The following NPY variants were observed in gnomAD, a reference collection of about 807,000 sequenced individuals.
NPY encodes neuropeptide Y.
In NPY, 11 loss-of-function variants were observed where a neutral mutation model predicts 13.2. The ratio of observed to expected loss-of-function variants is 0.83; its 90% confidence interval spans 0.52 to 1.38. The LOEUF is 1.38. NPY is among the 40% of genes most tolerant of loss of function. NPY has a pLI of 0.00. For missense variants in NPY, 109 were observed against 125.1 expected (o/e 0.87, Z 0.61); for synonymous variants, 51 against 55.6 (o/e 0.92, Z 0.37).
intron 2 of NPY, among the ~76,000 whole-genome samples, chr7:24,289,048 T>G (rs2128233306): frequency 6.6e-6 from 1 of 152,332 alleles, no homozygotes; most frequent in Admixed American, 6.5e-5. Flanking sequence ...TAGGACTGTC[T>G]TTGAAATATC....
Position 24,285,137 on chromosome 7 carries a change from GC to G in NPY, c.1-103del. 1 of 1,175,202 alleles carries G rather than the reference GC, an allele frequency of 8.5e-7. No homozygotes were observed. The highest frequency in any genetic ancestry group is 1.3e-6 in the Non-Finnish European group (1 of 799,760). The allele number at this position is 1,175,202 out of a possible 1,614,324, so 72.8% of individuals were successfully genotyped here. On this transcript the variant is annotated intron_variant, in intron 1 of 3. Transcript: ENST00000242152. The surrounding 1 kb of genome is among the most constrained non-coding windows in gnomAD (Gnocchi z 4.9). ...CTGGGACGAGAGCGGATTGGGGGTC[GC>G]GTGTGGTAGCAGGAGGAGGAGCGCG...
chr7:24,287,756 C>A (rs970551289), intron 2 of NPY, among the ~76,000 whole-genome samples: 1 of 152,270 alleles, frequency 6.6e-6, no homozygotes, highest in South Asian at 2.1e-4. Context: ...GGACAGCCCC[C>A]ATTACACAGA....
Position 24,285,357 on chromosome 7 carries a change from C to T in NPY, c.117C>T (p.Asp39=), listed in dbSNP as rs890826706. The T allele has an allele frequency of 1.2e-6, 2 of 1,613,926 alleles. No homozygotes were observed. The highest frequency in any genetic ancestry group is 1.3e-5 in the African/African-American group (1 of 74,892). ...YPSKPDNPGE[D]APAEDMARYY... is the part of the protein sequence containing the mutation. ...CCAAGCCGGACAACCCGGGCGAGGA[C>T]GCACCAGCGGAGGACATGGCCAGAT... Residue 39 remains aspartate, a synonymous_variant, in exon 2 of 4, where the codon GAC becomes GAT. Transcript: ENST00000242152. The surrounding 1 kb of genome is among the most constrained non-coding windows in gnomAD (Gnocchi z 4.9).
At chr7:24,284,955 G>T in intron 1 of NPY, 5 of 523,324 alleles carry the variant, frequency 9.6e-6, no homozygotes, top group South Asian at 4.5e-5. Context: ...AACTGGCGGG[G>T]CCCCCACCTT....
intron 2 of NPY, among the ~76,000 whole-genome samples, chr7:24,288,958 G>C (rs913429123): frequency 1.3e-5 from 2 of 152,274 alleles, no homozygotes; most frequent in Admixed American, 6.5e-5. Context: ...GATTTAAGCA[G>C]GGGTTGTTTT....
At chr7:24,290,250 C>T (rs1787552459) in intron 3 of NPY, among the ~76,000 whole-genome samples, 2 of 152,172 alleles carry the variant, frequency 1.3e-5, no homozygotes, top group African/African-American at 2.4e-5. Flanking sequence ...CTAAGGTTTT[C>T]TGGTGCCTCC....
At position 24,285,492 on chromosome 7, in the gene NPY, A is replaced by T; in HGVS notation, c.188+64A>T. Reference sequence around the variant, plus strand: ...GCCTGCACACCAGGAGATCCTGGGGATGTTAGGGAAAGGGATTGTTTCTTT... The same window carrying T: ...GCCTGCACACCAGGAGATCCTGGGGTTGTTAGGGAAAGGGATTGTTTCTTT... On this transcript the variant is annotated intron_variant, in intron 2 of 3. Coordinates refer to ENST00000242152, the MANE Select transcript of NPY (RefSeq NM_000905.4). The surrounding 1 kb of genome is among the most constrained non-coding windows in gnomAD (Gnocchi z 4.9). 5 of 1,499,110 alleles carry T rather than the reference A, an allele frequency of 3.3e-6. No individual in the cohort carries two copies. The highest frequency in any genetic ancestry group is 1.8e-4 in the Middle Eastern group (1 of 5,500). The allele number at this position is 1,499,110 out of a possible 1,614,324, so 92.9% of individuals were successfully genotyped here. A position where few individuals can be genotyped will look rare whatever the true frequency, so the allele number is the denominator to read the frequency against.
intron 2 of NPY, among the ~76,000 whole-genome samples, chr7:24,287,817 G>A (rs1787446952): frequency 6.6e-6 from 1 of 152,088 alleles, no homozygotes; most frequent in African/African-American, 2.4e-5. Context: ...CTCCTTCCTG[G>A]CTGCACATTA....
intron 3 of NPY, among the ~76,000 whole-genome samples, chr7:24,290,564 GT>G (rs1787562630): frequency 6.6e-6 from 1 of 151,830 alleles, no homozygotes; most frequent in African/African-American, 2.4e-5. Flanking sequence ...ACCTCCCTCA[GT>G]TCTCTTCTAA....
At chr7:24,284,991 C>G (rs539217331) in intron 1 of NPY, 2 of 570,860 alleles carry the variant, frequency 3.5e-6, no homozygotes, top group Admixed American at 3.1e-5. Flanking sequence ...GCTTCTTGGT[C>G]CCTGAGACTT....
intron 1 of NPY, among the ~76,000 whole-genome samples, chr7:24,284,666 G>A (rs1787286780): frequency 6.6e-6 from 1 of 152,152 alleles, no homozygotes; most frequent in Non-Finnish European, 1.5e-5. Flanking sequence ...GCCATCGAGT[G>A]AGGAATCCCT....
intron 2 of NPY, among the ~76,000 whole-genome samples, chr7:24,287,623 T>C (rs1294846702): frequency 2.0e-5 from 3 of 152,174 alleles, no homozygotes; most frequent in Non-Finnish European, 4.4e-5. Flanking sequence ...GGTGATTTTA[T>C]GCTCCCCAGG....
In NPY at chr7:24,287,351, A is replaced by G. The variant is rs566422519; in HGVS notation, c.188+1923A>G. On this transcript the variant is annotated intron_variant, in intron 2 of 3. Transcript: ENST00000242152. ...CTTCTCCTTCCCACCACAGACACCCACTCCTATGTGCGTTTCTGAAAATTA... is the reference window on the plus strand; with the variant it reads ...CTTCTCCTTCCCACCACAGACACCCGCTCCTATGTGCGTTTCTGAAAATTA... Among the ~76,000 whole-genome samples, 25 of 151,598 alleles carry G rather than the reference A, an allele frequency of 1.6e-4. No individual in the cohort carries two copies. The South Asian group carries it at 5.2e-3, about 32-fold the overall frequency.
Position 24,285,520 on chromosome 7 carries a change from C to A in NPY, c.188+92C>A. On this transcript the variant is annotated intron_variant, in intron 2 of 3. Coordinates refer to ENST00000242152, the MANE Select transcript of NPY (RefSeq NM_000905.4). The surrounding 1 kb of genome is among the most constrained non-coding windows in gnomAD (Gnocchi z 4.9). ...TTAGGGAAAGGGATTGTTTCTTTTCCTTCGCTCTATCCCAGGGCAGGACAG... is the reference window on the plus strand; with the variant it reads ...TTAGGGAAAGGGATTGTTTCTTTTCATTCGCTCTATCCCAGGGCAGGACAG... 1 of 1,331,008 alleles carries A rather than the reference C, an allele frequency of 7.5e-7. No individual in the cohort carries two copies. The highest frequency in any genetic ancestry group is 1.0e-6 in the Non-Finnish European group (1 of 966,062). 82.4% of individuals were successfully genotyped at this position (1,331,008 alleles called of 1,614,324 possible). A position where few individuals can be genotyped will look rare whatever the true frequency, so the allele number is the denominator to read the frequency against.
In NPY at chr7:24,285,300, G is replaced by T. The variant is rs1787319889; in HGVS notation, c.60G>T (p.Val20=). The part of the protein sequence containing the change: ...SGLTLALSLL[V]CLGALAEAYP... The stretch of plus-strand genomic sequence containing the variant: ...TGACCCTCGCCCTGTCCCTGCTCGT[G>T]TGCCTGGGTGCGCTGGCCGAGGCGT... The change falls in exon 2 of 4, where the codon GTG becomes GTT. Residue 20 remains valine, a synonymous_variant. Coordinates refer to ENST00000242152, the MANE Select transcript of NPY (RefSeq NM_000905.4). This position sits in a 1 kb window ranked among gnomAD's most constrained non-coding sequence, Gnocchi z 4.9. 2 of 1,613,976 alleles carry T rather than the reference G, an allele frequency of 1.2e-6. No homozygotes were observed. Among genetic ancestry groups the T allele is most frequent in the South Asian group, 2.2e-5 (2 of 91,082 alleles).
chr7:24,287,151 A>G (rs942656338), intron 2 of NPY, among the ~76,000 whole-genome samples: 1 of 152,204 alleles, frequency 6.6e-6, no homozygotes, highest in Non-Finnish European at 1.5e-5. Context: ...ATCAACAGGC[A>G]GTGTTATCTC....
intron 3 of NPY, among the ~76,000 whole-genome samples, chr7:24,290,775 A>AATAATAATAATAATAATAATT (rs10701264): frequency 2.3e-5 from 3 of 129,634 alleles, no homozygotes; most frequent in South Asian, 5.3e-4. Context: ...TAATAATAAT[A>AATAATAATAATAATAATAATT]ATTATTATTA....
Position 24,291,764 on chromosome 7 carries a change from T to C in NPY, c.*77T>C. The C allele has an allele frequency of 6.6e-7, 1 of 1,514,214 alleles. No individual in the cohort carries two copies. Among genetic ancestry groups the C allele is most frequent in the Non-Finnish European group, 9.2e-7 (1 of 1,089,756 alleles). The allele number at this position is 1,514,214 out of a possible 1,614,324, so 93.8% of individuals were successfully genotyped here. A position where few individuals can be genotyped will look rare whatever the true frequency, so the allele number is the denominator to read the frequency against. Reference sequence around the variant, plus strand: ...ATCGTGTAAAACGAGAATCCACCCATCCTACCAATGCATGCAGCCACTGTG... The same window carrying C: ...ATCGTGTAAAACGAGAATCCACCCACCCTACCAATGCATGCAGCCACTGTG... On this transcript the variant is annotated 3_prime_UTR_variant, in exon 4 of 4. Transcript: ENST00000242152.
At chr7:24,286,772 A>T (rs1787399264) in intron 2 of NPY, among the ~76,000 whole-genome samples, 1 of 152,238 alleles carries the variant, frequency 6.6e-6, no homozygotes, top group African/African-American at 2.4e-5. Flanking sequence ...CTTCCCAGAA[A>T]GTTAATTGAT....
Sources: allele counts gnomAD v4.1 joint callset (sites outside exome capture counted in the v4.1 genomes callset), GRCh38; gene constraint gnomAD v4.1.1; non-coding constraint Gnocchi (gnomAD v3.1); transcripts MANE v1.5; gene names NCBI Gene and HGNC (gene_info 2026-07-23, HGNC 2026-07-21).